The following OTUD7A variants were observed in gnomAD, a reference collection of about 807,000 sequenced individuals.
OTUD7A encodes OTU domain-containing protein 7A.
In OTUD7A, 12 loss-of-function variants were observed where a neutral mutation model predicts 65.7. The observed-to-expected ratio is 0.18, with a 90% CI of 0.12 to 0.30. The LOEUF is 0.30. Ranked by LOEUF, OTUD7A falls within the 10% of genes least tolerant of loss-of-function variation. OTUD7A has a pLI of 1.00. For synonymous variants in OTUD7A, 641 were observed against 586.3 expected, an observed-to-expected ratio of 1.09 and a Z score of -1.35; for missense variants, 1,148 against 1,304.8, an observed-to-expected ratio of 0.88 and a Z score of 1.85.
chr15:31,583,020 T>C (rs1889418914), intron 3 of OTUD7A, among the ~76,000 whole-genome samples: 1 of 151,918 alleles, frequency 6.6e-6, no homozygotes, highest in Admixed American at 6.5e-5. Flanking sequence ...TGAAGGATTG[T>C]TGAGTGAGAA....
chr15:31,673,945 C>T (rs3874385), intron 1 of OTUD7A, among the ~76,000 whole-genome samples: 78 of 152,170 alleles, frequency 5.1e-4, no homozygotes, highest in African/African-American at 1.7e-3. Context: ...TGGAATATAC[C>T]GGATAATAAG....
intron 1 of OTUD7A, among the ~76,000 whole-genome samples, chr15:31,754,466 ATC>A (rs1262268440): frequency 6.6e-6 from 1 of 152,174 alleles, no homozygotes; most frequent in Non-Finnish European, 1.5e-5. Flanking sequence ...TTCCAATGTT[ATC>A]TTTTAGAATT....
intron 4 of OTUD7A, among the ~76,000 whole-genome samples, chr15:31,567,767 T>C (rs911672378): frequency 6.6e-6 from 1 of 152,242 alleles, no homozygotes; most frequent in Non-Finnish European, 1.5e-5. Flanking sequence ...CTTGGGACAC[T>C]GCTCCCCACA....
At chr15:31,527,605 T>C (rs1483933040) in intron 6 of OTUD7A, among the ~76,000 whole-genome samples, 1 of 152,222 alleles carries the variant, frequency 6.6e-6, no homozygotes, top group Non-Finnish European at 1.5e-5. Flanking sequence ...CTGGTTTGCT[T>C]TGAGGACCTA....
chr15:31,859,378 A>C (rs887925452), intron 1 of OTUD7A, among the ~76,000 whole-genome samples: 10 of 152,208 alleles, frequency 6.6e-5, no homozygotes, highest in African/African-American at 2.4e-4. Context: ...TCAAGTCTAT[A>C]ATACATTGTT....
intron 3 of OTUD7A, among the ~76,000 whole-genome samples, chr15:31,591,256 G>A (rs981679577): frequency 2.0e-5 from 3 of 152,028 alleles, no homozygotes; most frequent in Non-Finnish European, 2.9e-5. Context: ...AGCAGGCAGC[G>A]GCATGCACAA....
rs2041014286 is a variant in OTUD7A, at chr15:31,476,157, T to C, written c.*7137A>G. ...CTAACAGCGCCTTTACTTGTAGGACTAAGAGCCCAGCCTTTCCCACCTGGG... is the reference window on the plus strand; with the variant it reads ...CTAACAGCGCCTTTACTTGTAGGACCAAGAGCCCAGCCTTTCCCACCTGGG... On this transcript the variant is annotated 3_prime_UTR_variant, in exon 13 of 13. Coordinates refer to ENST00000307050, the MANE Select transcript of OTUD7A (RefSeq NM_001382637.1). 1 of 152,238 alleles carries C rather than the reference T, an allele frequency of 6.6e-6. No homozygotes were observed. Among genetic ancestry groups the C allele is most frequent in the Admixed American group, 6.5e-5 (1 of 15,284 alleles). The allele number at this position is 152,238 out of a possible 1,614,324, so 9.4% of individuals were successfully genotyped here.
At position 31,483,121 on chromosome 15, in the gene OTUD7A, T is replaced by G; in HGVS notation, c.*173A>C. On this transcript the variant is annotated 3_prime_UTR_variant, in exon 13 of 13. Transcript: ENST00000307050. ...GTTTCCTATCCGTCTACTACCTGAGTGGCGTCAGTGTAGGTTCAGGCACCA... is the reference window on the plus strand; with the variant it reads ...GTTTCCTATCCGTCTACTACCTGAGGGGCGTCAGTGTAGGTTCAGGCACCA... The G allele has an allele frequency of 2.0e-6, 1 of 495,028 alleles. No homozygotes were observed. The highest frequency in any genetic ancestry group is 2.7e-6 in the Non-Finnish European group (1 of 374,948). The allele number at this position is 495,028 out of a possible 1,614,324, so 30.7% of individuals were successfully genotyped here. A position where few individuals can be genotyped will look rare whatever the true frequency, so the allele number is the denominator to read the frequency against.
At chr15:31,845,700 C>T (rs562160589) in intron 1 of OTUD7A, among the ~76,000 whole-genome samples, 22 of 152,342 alleles carry the variant, frequency 1.4e-4, no homozygotes, top group African/African-American at 4.3e-4. Flanking sequence ...TCTGCAATGC[C>T]ATCTTCCACC....
At chr15:31,680,651 C>T (rs1382045220) in intron 1 of OTUD7A, among the ~76,000 whole-genome samples, 4 of 152,088 alleles carry the variant, frequency 2.6e-5, no homozygotes, top group Non-Finnish European at 4.4e-5. Context: ...TTGTCCCCTG[C>T]TCACATAATA....
Position 31,483,331 on chromosome 15 carries a change from A to C in OTUD7A, c.2765T>G (p.Leu922Arg). ...HYCSYCYREE[L>R]RRRREARGAR... ...CCCGCGCGCCTCGCGCCGCCGCCGCAGCTCCTCGCGGTAGCAGTAGGAGCA... is the reference window on the plus strand; with the variant it reads ...CCCGCGCGCCTCGCGCCGCCGCCGCCGCTCCTCGCGGTAGCAGTAGGAGCA... The change falls in exon 13 of 13, where the codon CTG (leucine) becomes CGG (arginine). Residue 922 changes from leucine to arginine, a missense_variant. By Grantham distance (102) the Leu-to-Arg change is moderately radical. Coordinates refer to ENST00000307050, the MANE Select transcript of OTUD7A (RefSeq NM_001382637.1). 1 of 1,221,760 alleles carries C rather than the reference A, an allele frequency of 8.2e-7. No homozygotes were observed. Among genetic ancestry groups the C allele is most frequent in the Non-Finnish European group, 1.0e-6 (1 of 977,508 alleles). The allele number at this position is 1,221,760 out of a possible 1,614,324, so 75.7% of individuals were successfully genotyped here.
At chr15:31,750,145 C>T (rs1595744589) in intron 1 of OTUD7A, among the ~76,000 whole-genome samples, 3 of 152,068 alleles carry the variant, frequency 2.0e-5, no homozygotes, top group Admixed American at 2.0e-4. Context: ...TGGTGGCTCA[C>T]GCCTGTAATC....
chr15:31,832,727 C>T (rs1485230744), intron 1 of OTUD7A, among the ~76,000 whole-genome samples: 1 of 152,190 alleles, frequency 6.6e-6, no homozygotes, highest in Non-Finnish European at 1.5e-5. Context: ...GCTTATTTCA[C>T]TTAGCATAAT....
chr15:31,619,182 G>C (rs1303024312), intron 3 of OTUD7A, among the ~76,000 whole-genome samples: 1 of 152,194 alleles, frequency 6.6e-6, no homozygotes, highest in Non-Finnish European at 1.5e-5. Flanking sequence ...CTGCAACCTT[G>C]TAGTATGGTT....
At position 31,675,530 on chromosome 15, in the gene OTUD7A, G is replaced by A. The variant is rs189592113; in HGVS notation, c.-99-18453C>T. Among the ~76,000 whole-genome samples the A allele has an allele frequency of 4.8e-3, 735 of 152,196 alleles. 6 individuals carry two copies. The highest frequency in any genetic ancestry group is 0.01 in the Middle Eastern group (3 of 294). The stretch of plus-strand genomic sequence containing the variant: ...CGTTGAAACAAACCAGGAATAGAAG[G>A]AACCTTTTTTTCTACTTATTAAATG... On this transcript the variant is annotated intron_variant, in intron 1 of 12. Coordinates refer to ENST00000307050, the MANE Select transcript of OTUD7A (RefSeq NM_001382637.1).
intron 1 of OTUD7A, among the ~76,000 whole-genome samples, chr15:31,733,956 A>G (rs747226861): frequency 1.3e-5 from 2 of 152,232 alleles, no homozygotes; most frequent in Non-Finnish European, 2.9e-5. Context: ...CAGGTGAAAC[A>G]CGTTAATATA....
rs370701680 is a variant in OTUD7A, at chr15:31,603,312, T to C, written c.152-33115A>G. 6.4e-4 allele frequency among the ~76,000 whole-genome samples: 97 copies of C among 152,304 alleles called. 1 individual carries two copies. In the South Asian group the frequency reaches 0.019, roughly 30 times the overall value. On this transcript the variant is annotated intron_variant, in intron 3 of 12. Coordinates refer to ENST00000307050, the MANE Select transcript of OTUD7A (RefSeq NM_001382637.1). Reference sequence around the variant, plus strand: ...CCACACTTCTACAACCATCTGATCTTTGACAAACCAGACATAAACAAGCAA... The same window carrying C: ...CCACACTTCTACAACCATCTGATCTCTGACAAACCAGACATAAACAAGCAA...
rs374601045 is a variant in OTUD7A at position 31,568,961 on chromosome 15, C to T, written c.331+1057G>A. 2.7e-4 allele frequency among the ~76,000 whole-genome samples: 41 copies of T among 152,280 alleles called. No homozygotes were observed. In the South Asian group the frequency reaches 6.8e-3, roughly 25 times the overall value. Reference sequence around the variant, plus strand: ...ACTTCCTGTAAAGCCTGCAGAACCACGAGCCAAGAAATCCTCTTTTTAAAA... The same window carrying T: ...ACTTCCTGTAAAGCCTGCAGAACCATGAGCCAAGAAATCCTCTTTTTAAAA... On this transcript the variant is annotated intron_variant, in intron 4 of 12. Coordinates refer to ENST00000307050, the MANE Select transcript of OTUD7A (RefSeq NM_001382637.1).
intron 1 of OTUD7A, among the ~76,000 whole-genome samples, chr15:31,849,389 T>C (rs995915804): frequency 1.4e-4 from 21 of 152,324 alleles, no homozygotes; most frequent in Middle Eastern, 3.4e-3. Context: ...TTACACCTTG[T>C]ACAATAATTA....
Sources: allele counts gnomAD v4.1 joint callset (sites outside exome capture counted in the v4.1 genomes callset), GRCh38; gene constraint gnomAD v4.1.1; transcripts MANE v1.5; gene names NCBI Gene and HGNC (gene_info 2026-07-23, HGNC 2026-07-21).